Variants in CDH17 observed in about 807,000 individuals in gnomAD.
CDH17 encodes cadherin-17.
Under a neutral mutation model 86.3 loss-of-function variants are expected in CDH17, and 67 were observed. The observed-to-expected ratio is 0.78, with a 90% confidence interval of 0.64 to 0.95. The LOEUF (loss-of-function observed/expected upper bound fraction) is 0.95. Among genes scored for constraint, CDH17 ranks in the 40% least tolerant of loss-of-function variants. The pLI, the probability that CDH17 is intolerant of heterozygous loss-of-function variation, is 0.00. For synonymous variants in CDH17, 367 were observed against 366.4 expected (o/e 1.00, Z -0.02); for missense variants, 993 against 1,017.6 (o/e 0.98, Z 0.33).
intron 15 of CDH17, among the ~76,000 whole-genome samples, chr8:94,134,526 G>A (rs553415141): frequency 3.3e-4 from 50 of 151,986 alleles, no homozygotes; most frequent in Middle Eastern, 6.8e-3. Flanking sequence ...TTTTTATTGC[G>A]TCTATTTGAT....
rs1409521164 is a variant in CDH17 at position 94,157,847 on chromosome 8, T to C, written c.1551+2124A>G. Among the ~76,000 whole-genome samples the C allele has an allele frequency of 4.6e-5, 7 of 152,116 alleles. No homozygotes were observed. In the East Asian group the frequency reaches 5.8e-4, roughly 13 times the overall value. On this transcript the variant is annotated intron_variant, in intron 12 of 17. Coordinates refer to ENST00000027335, the MANE Select transcript of CDH17 (RefSeq NM_004063.4). Reference sequence around the variant, plus strand: ...GGGAGGATTGCTCTAGCCCAAGAGGTTGAGGCTGCAATGAGCTATGACTGC... The same window carrying C: ...GGGAGGATTGCTCTAGCCCAAGAGGCTGAGGCTGCAATGAGCTATGACTGC...
At chr8:94,207,731 C>T (rs1814057145) in intron 1 of CDH17, among the ~76,000 whole-genome samples, 1 of 152,206 alleles carries the variant, frequency 6.6e-6, no homozygotes, top group Non-Finnish European at 1.5e-5. Context: ...CAGAGGGCAT[C>T]TGTCCCTATA....
rs1156611934 is a variant in CDH17, at chr8:94,194,666, A to C, written c.20T>G (p.Leu7Arg). MILQAH[L>R]HSLCLLMLYL... Reference sequence around the variant, plus strand: ...AAGCATAAGAAGACACAGGGAGTGAAGATGGGCCTGAAGTATCATAGTTTT... The same window carrying C: ...AAGCATAAGAAGACACAGGGAGTGACGATGGGCCTGAAGTATCATAGTTTT... Residue 7 changes from leucine to arginine, a missense_variant, in exon 2 of 18, where the codon CTT becomes CGT. Leu to Arg is a moderately radical substitution (Grantham distance 102, BLOSUM62 -2). Transcript: ENST00000027335. 3.7e-6 allele frequency: 6 copies of C among 1,607,508 alleles called. No individual in the cohort carries two copies. The highest frequency in any genetic ancestry group is 4.3e-6 in the Non-Finnish European group (5 of 1,175,546).
chr8:94,157,491 G>A (rs772301294), intron 12 of CDH17, among the ~76,000 whole-genome samples: 10 of 152,112 alleles, frequency 6.6e-5, no homozygotes, highest in Non-Finnish European at 1.3e-4. Context: ...AACCTAATCC[G>A]AGATCTATAT....
intron 1 of CDH17, among the ~76,000 whole-genome samples, chr8:94,204,489 T>C (rs1351478163): frequency 2.0e-5 from 3 of 152,236 alleles, no homozygotes; most frequent in Non-Finnish European, 4.4e-5. Flanking sequence ...TTCTTTTTTA[T>C]GGCTGCATAG....
rs530922619 is a variant in CDH17, at chr8:94,165,598, AGT to A, written c.1282+161_1282+162del. On this transcript the variant is annotated intron_variant, in intron 10 of 17. Transcript: ENST00000027335. ...CCTGAGCTGCAGCTCCGGCCTTTACAGTGTTCAACCAGCTATCTCTGTGTTAT... is the reference window on the plus strand; with the variant it reads ...CCTGAGCTGCAGCTCCGGCCTTTACAGTTCAACCAGCTATCTCTGTGTTAT... Among the ~76,000 whole-genome samples, 322 of 152,332 alleles carry A rather than the reference AGT, an allele frequency of 2.1e-3. 2 individuals are homozygous for A. The highest frequency in any genetic ancestry group is 7.4e-3 in the African/African-American group (309 of 41,580).
intron 2 of CDH17, among the ~76,000 whole-genome samples, chr8:94,191,471 G>C (rs1393202735): frequency 1.7e-5 from 2 of 118,762 alleles, no homozygotes; most frequent in East Asian, 4.8e-4. Context: ...TTTTTTTTGA[G>C]ACAGAGTTTC....
In CDH17 at chr8:94,148,853, T is replaced by C; in HGVS notation, c.1818A>G (p.Thr606=). The C allele has an allele frequency of 6.2e-7, 1 of 1,611,416 alleles. No individual in the cohort carries two copies. The highest frequency in any genetic ancestry group is 1.7e-4 in the Middle Eastern group (1 of 6,054). Residue 606 remains threonine (T), a synonymous_variant, in exon 14 of 18, where the codon ACA becomes ACG. Coordinates refer to ENST00000027335, the MANE Select transcript of CDH17 (RefSeq NM_004063.4). ...CGTGGTCAATTTTAAGCCAACCTCT[T>C]GTGTCTCCCCTCAGTGAATAGCTTC... The part of the protein sequence containing the change: ...LDISYSLRGD[T]RGWLKIDHVT...
chr8:94,144,403 A>G (rs1436605779), intron 15 of CDH17, among the ~76,000 whole-genome samples: 1 of 152,186 alleles, frequency 6.6e-6, no homozygotes, highest in Admixed American at 6.6e-5. Context: ...AAGTGAGCAC[A>G]TGCTGTTGGA....
chr8:94,155,448 G>A (rs1425221887), intron 12 of CDH17, among the ~76,000 whole-genome samples: 1 of 151,998 alleles, frequency 6.6e-6, no homozygotes. Context: ...GCAAAGTCCG[G>A]GCCCAGGCAG....
intron 9 of CDH17, 127 bp from the exon 10 acceptor site, chr8:94,166,103 T>C: frequency 1.6e-6 from 1 of 642,844 alleles, no homozygotes; most frequent in Non-Finnish European, 2.7e-6. Context: ...ACAAATGCTC[T>C]TAGAGTTATT....
chr8:94,189,032 C>T (rs1402002704), intron 3 of CDH17, among the ~76,000 whole-genome samples, 155 bp downstream of exon 3: 4 of 152,174 alleles, frequency 2.6e-5, no homozygotes, highest in African/African-American at 4.8e-5. Flanking sequence ...ACTGAGGCCA[C>T]TCATCTCTCT....
At chr8:94,204,414 G>A (rs957659151) in intron 1 of CDH17, among the ~76,000 whole-genome samples, 4 of 152,132 alleles carry the variant, frequency 2.6e-5, no homozygotes, top group African/African-American at 9.7e-5. Context: ...TTCTGTTCCT[G>A]TGTTAGTTTG....
chr8:94,160,567 C>T (rs550851387), intron 11 of CDH17, among the ~76,000 whole-genome samples: 2 of 152,260 alleles, frequency 1.3e-5, no homozygotes, highest in South Asian at 4.1e-4. Context: ...TGATTAAAAG[C>T]TTGAACTTTG....
intron 3 of CDH17, 123 bp from the exon 4 acceptor site, chr8:94,177,844 A>C: frequency 1.1e-6 from 1 of 873,920 alleles, no homozygotes; most frequent in Non-Finnish European, 1.7e-6. Context: ...GAAATCCTCA[A>C]CTTTTAAAGT....
chr8:94,192,887 A>C lies in CDH17; in HGVS notation c.51+1748T>G, dbSNP rs548299433. On this transcript the variant is annotated intron_variant, in intron 2 of 17. Transcript: ENST00000027335. ...AAATCTATCTCTTGGAAAAGAACAGAAGATCTACTCGCAGTCTGGAGTAAA... is the reference window on the plus strand; with the variant it reads ...AAATCTATCTCTTGGAAAAGAACAGCAGATCTACTCGCAGTCTGGAGTAAA... Among the ~76,000 whole-genome samples, 42 of 152,308 alleles carry C rather than the reference A, an allele frequency of 2.8e-4. 1 individual carries two copies. The South Asian group carries it at 8.3e-3, about 30-fold the overall frequency.
chr8:94,174,069 G>A (rs762037142), intron 6 of CDH17, 33 bp downstream of exon 6: 30 of 1,610,226 alleles, frequency 1.9e-5, no homozygotes, highest in Non-Finnish European at 2.3e-5. Flanking sequence ...TTTTCTGATC[G>A]AGACAGTCCT....
At chr8:94,211,033 A>G (rs1028858344), upstream of CDH17, among the ~76,000 whole-genome samples, 2 of 151,764 alleles carry the variant, frequency 1.3e-5, no homozygotes, top group Non-Finnish European at 1.5e-5. Context: ...AAAAAAAAAA[A>G]AAAAAGAAAA....
chr8:94,136,718 G>C (rs890930556), intron 15 of CDH17, among the ~76,000 whole-genome samples: 1 of 152,192 alleles, frequency 6.6e-6, no homozygotes, highest in Non-Finnish European at 1.5e-5. Context: ...GAGGAGAAGA[G>C]GCATTCTGGT....
Sources: allele counts gnomAD v4.1 joint callset (sites outside exome capture counted in the v4.1 genomes callset), GRCh38; gene constraint gnomAD v4.1.1; transcripts MANE v1.5; gene names NCBI Gene and HGNC (gene_info 2026-07-23, HGNC 2026-07-21).